The following POU2F1 variants were observed in gnomAD, a reference collection of about 807,000 sequenced individuals.
POU2F1 encodes POU class 2 homeobox 1.
In POU2F1, 16 loss-of-function variants were observed where a neutral mutation model predicts 84.9. The observed-to-expected ratio is 0.19, with a 90% CI of 0.13 to 0.29. POU2F1 has a LOEUF of 0.29. Ranked by LOEUF, POU2F1 falls within the 10% of genes least tolerant of loss-of-function variation. The probability of loss-of-function intolerance (pLI) is 1.00; values close to 1 mark genes in which losing one functional copy is unlikely to be tolerated. For synonymous variants in POU2F1, 368 were observed against 368.3 expected (o/e 1.00, Z 0.01); for missense variants, 738 against 942.6 (o/e 0.78, Z 2.84).
At chr1:167,386,596 G>C (rs1648003710) in intron 8 of POU2F1, among the ~76,000 whole-genome samples, 1 of 152,222 alleles carries the variant, frequency 6.6e-6, no homozygotes, top group South Asian at 2.1e-4. Context: ...GTTTCTAGCA[G>C]CTTTATTCAC....
chr1:167,411,096 G>A (rs1379259551), intron 13 of POU2F1, among the ~76,000 whole-genome samples: 1 of 150,494 alleles, frequency 6.6e-6, no homozygotes, highest in Non-Finnish European at 1.5e-5. Context: ...CTGGAGTGCA[G>A]TGGCGCAATC....
At chr1:167,321,828 G>A (rs1220036178) in intron 1 of POU2F1, among the ~76,000 whole-genome samples, 1 of 152,160 alleles carries the variant, frequency 6.6e-6, no homozygotes, top group African/African-American at 2.4e-5. Flanking sequence ...CCCATTTCCT[G>A]CATCATATGT....
intron 9 of POU2F1, among the ~76,000 whole-genome samples, chr1:167,389,982 TTAAG>T (rs2101893706): frequency 6.6e-6 from 1 of 152,352 alleles, no homozygotes; most frequent in South Asian, 2.1e-4. Flanking sequence ...TTACATTATA[TTAAG>T]TATTATAAGT....
chr1:167,412,098 G>A lies in POU2F1; in HGVS notation c.1695G>A (p.Glu565=). ...CCTCCGAGGCATCCAGTGCCAGTGAGACCAGCACAACACAGACCACCTCCA... is the reference window on the plus strand; with the variant it reads ...CCTCCGAGGCATCCAGTGCCAGTGAAACCAGCACAACACAGACCACCTCCA... ...ASTSEASSAS[E]TSTTQTTSTP... is the part of the protein sequence containing the mutation. Residue 565 remains glutamate (E), a synonymous_variant, in exon 14 of 16, where the codon GAG becomes GAA. Coordinates refer to ENST00000367866, the MANE Select transcript of POU2F1 (RefSeq NM_002697.4). 1.9e-6 allele frequency: 3 copies of A among 1,614,192 alleles called. No homozygotes were observed. The highest frequency in any genetic ancestry group is 2.5e-6 in the Non-Finnish European group (3 of 1,180,034).
chr1:167,337,345 G>C (rs545430988), intron 2 of POU2F1, among the ~76,000 whole-genome samples: 2 of 151,830 alleles, frequency 1.3e-5, no homozygotes, highest in Non-Finnish European at 2.9e-5. Context: ...AAAGAAAAAA[G>C]AGAATGCAGC....
intron 1 of POU2F1, among the ~76,000 whole-genome samples, chr1:167,240,603 G>A (rs976854187): frequency 6.6e-6 from 1 of 152,162 alleles, no homozygotes; most frequent in African/African-American, 2.4e-5. Context: ...TGTGGAAACT[G>A]TTAGTTTCTT....
intron 1 of POU2F1, among the ~76,000 whole-genome samples, chr1:167,242,500 CG>C (rs1649987415): frequency 6.6e-6 from 1 of 152,150 alleles, no homozygotes; most frequent in Admixed American, 6.5e-5. Flanking sequence ...ACCATGGTGA[CG>C]CATTGAAGCA....
In POU2F1 at chr1:167,420,556, A is replaced by G. The variant is rs1650583623; in HGVS notation, c.*4746A>G. 6.6e-6 allele frequency: 1 copy of G among 152,244 alleles called. No individual in the cohort carries two copies. Among genetic ancestry groups the G allele is most frequent in the South Asian group, 2.1e-4 (1 of 4,834 alleles). 9.4% of individuals were successfully genotyped at this position (152,244 alleles called of 1,614,324 possible). ...TTATAGAACTCTCTGTTCTTAGTCT[A>G]AAGCTGTTCCCAAACCAGGTCATCC... On this transcript the variant is annotated 3_prime_UTR_variant, in exon 16 of 16. Transcript: ENST00000367866.
chr1:167,355,176 T>C (rs535281660), intron 2 of POU2F1, among the ~76,000 whole-genome samples: 2 of 151,804 alleles, frequency 1.3e-5, no homozygotes, highest in East Asian at 1.9e-4. Context: ...TTCTTTCTTT[T>C]TTTTTTTTTA....
At chr1:167,351,450 G>A (rs184513330) in intron 2 of POU2F1, among the ~76,000 whole-genome samples, 3 of 145,804 alleles carry the variant, frequency 2.1e-5, no homozygotes, top group East Asian at 4.1e-4. Context: ...CCTGGGAGGC[G>A]CAGGGTTGCA....
intron 8 of POU2F1, among the ~76,000 whole-genome samples, chr1:167,389,151 G>A (rs10753756): frequency 0.73 from 111,338 of 152,122 alleles, 40,932 homozygotes; most frequent in East Asian, 0.87. Flanking sequence ...CTTGAATACT[G>A]TTTTTATAAT....
chr1:167,370,188 G>C lies in POU2F1; in HGVS notation c.256G>C (p.Ala86Pro). The change falls in exon 4 of 16, where the codon GCT becomes CCT. Residue 86 changes from alanine to proline, a missense_variant. By Grantham distance (27) the Ala-to-Pro change is conservative (BLOSUM62 -1). This residue lies in a region of POU2F1 where 161 missense variants were observed against 147.0 expected (regional missense o/e 1.10). Coordinates refer to ENST00000367866, the MANE Select transcript of POU2F1 (RefSeq NM_002697.4). ...CCAACTCGCTGGAACAAGTTTACAG[G>C]CTGCTGCTCAGTCTTTAAATGTACA... is the stretch of plus-strand genomic sequence containing the variant. ...QVQLAGTSLQ[A>P]AAQSLNVQSK... 1 of 1,606,844 alleles carries C rather than the reference G, an allele frequency of 6.2e-7. No individual in the cohort carries two copies. Among genetic ancestry groups the C allele is most frequent in the Non-Finnish European group, 8.5e-7 (1 of 1,175,012 alleles).
At chr1:167,259,656 T>C (rs1185409803) in intron 1 of POU2F1, among the ~76,000 whole-genome samples, 1 of 152,122 alleles carries the variant, frequency 6.6e-6, no homozygotes, top group Non-Finnish European at 1.5e-5. Context: ...TGGAATTGTA[T>C]GTAGGGTGTG....
At chr1:167,237,537 T>C (rs1649556490) in intron 1 of POU2F1, among the ~76,000 whole-genome samples, 3 of 152,044 alleles carry the variant, frequency 2.0e-5, no homozygotes, top group Non-Finnish European at 4.4e-5. Flanking sequence ...GAATAAGAAA[T>C]GTTTGTAAAT....
At chr1:167,257,953 T>A (rs7537807) in intron 1 of POU2F1, 86,763 of 151,548 alleles carry the variant, frequency 0.57, 27,584 homozygotes, top group East Asian at 0.84. Flanking sequence ...TTTTTTTTTT[T>A]AATTTATTTT....
chr1:167,221,469 G>A (rs1364139443), intron 1 of POU2F1, among the ~76,000 whole-genome samples: 3 of 149,088 alleles, frequency 2.0e-5, no homozygotes, highest in Non-Finnish European at 4.5e-5. Context: ...GGAGGCGGCG[G>A]CGAGCACAAT....
chr1:167,240,205 C>T (rs1467022636), intron 1 of POU2F1, among the ~76,000 whole-genome samples: 1 of 152,062 alleles, frequency 6.6e-6, no homozygotes, highest in Non-Finnish European at 1.5e-5. Context: ...ATAACAAATA[C>T]CCCAGTAGTC....
At chr1:167,409,885 A>G (rs1649836644) in intron 13 of POU2F1, among the ~76,000 whole-genome samples, 1 of 152,232 alleles carries the variant, frequency 6.6e-6, no homozygotes, top group South Asian at 2.1e-4. Context: ...AATTGGTCAA[A>G]AAAAGATTGA....
intron 1 of POU2F1, among the ~76,000 whole-genome samples, chr1:167,300,929 C>T (rs6662456): frequency 1.2e-4 from 19 of 152,204 alleles, no homozygotes; most frequent in South Asian, 4.2e-4. Flanking sequence ...TGCCACCACG[C>T]GCAGCTAATT....
Sources: allele counts gnomAD v4.1 joint callset (sites outside exome capture counted in the v4.1 genomes callset), GRCh38; gene constraint gnomAD v4.1.1; regional missense constraint gnomAD v4.1.1; transcripts MANE v1.5; gene names NCBI Gene and HGNC (gene_info 2026-07-23, HGNC 2026-07-21).